PSMA8: variants seen among roughly 807,000 people sequenced by gnomAD.
PSMA8 encodes the protein proteasome subunit alpha-type 8.
Under a neutral mutation model 32.4 loss-of-function variants are expected in PSMA8, and 18 were observed. The ratio of observed to expected loss-of-function variants is 0.56; its 90% CI spans 0.38 to 0.82. The LOEUF is 0.82. Ranked by LOEUF, PSMA8 falls within the 40% of genes least tolerant of loss-of-function variation. PSMA8 has a pLI of 0.00. For synonymous variants in PSMA8, 104 were observed against 98.1 expected, an observed-to-expected ratio of 1.06 and a Z score of -0.36; for missense variants, 298 against 300.7, an observed-to-expected ratio of 0.99 and a Z score of 0.07.
In PSMA8 at chr18:26,136,317, GATTT is replaced by G. The variant is rs540462155; in HGVS notation, c.102+2254_102+2257del. ...CACAATATTCCCATGAAAACGATAA[GATTT>G]ATTATCATTCCTCATTTTGTCCTTT... is the stretch of plus-strand genomic sequence containing the variant. On this transcript the variant is annotated intron_variant, in intron 1 of 6. Transcript: ENST00000415576. 4.2e-3 allele frequency among the ~76,000 whole-genome samples: 645 copies of G among 152,208 alleles called. 3 individuals are homozygous for G. The highest frequency in any genetic ancestry group is 0.015 in the African/African-American group (611 of 41,544).
intron 3 of PSMA8, among the ~76,000 whole-genome samples, chr18:26,157,353 G>C (rs1337823464): frequency 2.0e-5 from 3 of 150,516 alleles, no homozygotes; most frequent in Non-Finnish European, 4.4e-5. Context: ...AGGAGTTCGA[G>C]ACCAGCCTGG....
rs144060725 is a variant in PSMA8 at position 26,140,631 on chromosome 18, G to A, written c.103-3928G>A. Among the ~76,000 whole-genome samples the A allele has an allele frequency of 4.0e-3, 608 of 152,142 alleles. 5 individuals are homozygous for A. Among genetic ancestry groups the A allele is most frequent in the African/African-American group, 0.014 (585 of 41,522 alleles). On this transcript the variant is annotated intron_variant, in intron 1 of 6. Transcript: ENST00000415576. ...GATGTCATATTGTTTTGAGATTTTG[G>A]CATCAGCTTTCATAAATGAGGAATT... is the stretch of plus-strand genomic sequence containing the variant.
At chr18:26,147,324 G>A (rs1055589406) in intron 2 of PSMA8, among the ~76,000 whole-genome samples, 12 of 151,246 alleles carry the variant, frequency 7.9e-5, no homozygotes, top group South Asian at 4.2e-4. Flanking sequence ...CCACAAACAC[G>A]TGGAGTTAAG....
chr18:26,189,452 G>C (rs916475957), intron 6 of PSMA8, among the ~76,000 whole-genome samples: 2 of 152,084 alleles, frequency 1.3e-5, no homozygotes, highest in African/African-American at 4.8e-5. Context: ...AGGATCACTT[G>C]AACCTGGGAG....
chr18:26,188,937 T>C (rs902076315), intron 6 of PSMA8, among the ~76,000 whole-genome samples: 1 of 152,108 alleles, frequency 6.6e-6, no homozygotes, highest in African/African-American at 2.4e-5. Context: ...CGCAAAATAT[T>C]CTTGAGTAGT....
At chr18:26,170,654 T>C in intron 4 of PSMA8, 1 of 1,111,120 alleles carries the variant, frequency 9.0e-7, no homozygotes, top group Non-Finnish European at 1.2e-6. Flanking sequence ...AAAAAACCTT[T>C]TCTAATGTAA....
In PSMA8 at chr18:26,151,897, G is replaced by A. The variant is rs146900756; in HGVS notation, c.269G>A (p.Arg90His). 254 of 1,611,842 alleles carry A rather than the reference G, an allele frequency of 1.6e-4. No homozygotes were observed. The highest frequency in any genetic ancestry group is 1.5e-3 in the Middle Eastern group (9 of 6,056). ...ADARVVINRA[R>H]VECQSHKLTV... is the part of the protein sequence containing the mutation. ...GCTAGAGTAGTAATAAACAGAGCCC[G>A]TGTGGAGTGCCAGAGCCATAAGCTT... Residue 90 changes from arginine to histidine, a missense_variant, in exon 3 of 7, where the codon CGT becomes CAT. Arg to His is a conservative substitution (Grantham distance 29). Transcript: ENST00000415576.
intron 6 of PSMA8, among the ~76,000 whole-genome samples, chr18:26,190,569 C>T (rs1276467393): frequency 2.6e-5 from 4 of 151,996 alleles, no homozygotes; most frequent in African/African-American, 7.3e-5. Context: ...GGCAACATGG[C>T]GAAACCCCGT....
At chr18:26,167,054 G>C (rs938463177) in intron 4 of PSMA8, among the ~76,000 whole-genome samples, 1 of 152,160 alleles carries the variant, frequency 6.6e-6, no homozygotes, top group African/African-American at 2.4e-5. Flanking sequence ...CAAACATTGT[G>C]TAGGTTTTAC....
Position 26,133,914 on chromosome 18 carries a change from C to T in PSMA8, c.-52C>T. 6.7e-7 allele frequency: 1 copy of T among 1,489,666 alleles called. No homozygotes were observed. Among genetic ancestry groups the T allele is most frequent in the Middle Eastern group, 1.7e-4 (1 of 5,716 alleles). 92.3% of individuals were successfully genotyped at this position (1,489,666 alleles called of 1,614,324 possible). A position where few individuals can be genotyped will look rare whatever the true frequency, so the allele number is the denominator to read the frequency against. ...TGTGTTGGCGGCGGCTCCCCGCTTG[C>T]CTCAGCTGCAGCAGCGGGAAGCTCG... On this transcript the variant is annotated 5_prime_UTR_variant, in exon 1 of 7. Transcript: ENST00000415576.
At chr18:26,163,213 G>GTATATATATATATATATATATATATATA (rs58945617) in intron 4 of PSMA8, among the ~76,000 whole-genome samples, 1 of 80,912 alleles carries the variant, frequency 1.2e-5, no homozygotes, top group Non-Finnish European at 2.3e-5. Flanking sequence ...ATGTGTGTGT[G>GTATATATATATATATATATATATATATA]TATATATATA....
At chr18:26,141,216 T>C (rs2054953331) in intron 1 of PSMA8, among the ~76,000 whole-genome samples, 1 of 152,152 alleles carries the variant, frequency 6.6e-6, no homozygotes, top group African/African-American at 2.4e-5. Flanking sequence ...TTTTTGTACC[T>C]ACTGATTTCT....
intron 6 of PSMA8, among the ~76,000 whole-genome samples, chr18:26,188,603 C>T (rs1359838747): frequency 1.2e-4 from 19 of 152,062 alleles, no homozygotes. Context: ...TGCTACAGAG[C>T]TATGGTAACC....
chr18:26,180,032 C>T (rs1373182719), intron 6 of PSMA8, among the ~76,000 whole-genome samples: 1 of 151,930 alleles, frequency 6.6e-6, no homozygotes, highest in African/African-American at 2.4e-5. Flanking sequence ...GGATGGATCA[C>T]TTGAGGTCAG....
At chr18:26,134,099 C>T (rs2054888887) in intron 1 of PSMA8, 32 bp downstream of exon 1, 4 of 1,523,548 alleles carry the variant, frequency 2.6e-6, no homozygotes, top group Admixed American at 3.3e-5. Flanking sequence ...GACTATTCCC[C>T]GCTCTGACCT....
intron 4 of PSMA8, among the ~76,000 whole-genome samples, chr18:26,159,522 C>G (rs1211614696): frequency 1.3e-5 from 2 of 151,986 alleles, no homozygotes; most frequent in African/African-American, 4.8e-5. Context: ...TTACTACACT[C>G]AATCTTTAAA....
chr18:26,149,355 A>G (rs2055027687), intron 2 of PSMA8, among the ~76,000 whole-genome samples: 2 of 152,262 alleles, frequency 1.3e-5, no homozygotes, highest in Non-Finnish European at 2.9e-5. Flanking sequence ...TGGAAGACTC[A>G]GGATTATTAA....
At chr18:26,148,475 T>C (rs902255789) in intron 2 of PSMA8, among the ~76,000 whole-genome samples, 9 of 152,170 alleles carry the variant, frequency 5.9e-5, no homozygotes, top group African/African-American at 1.9e-4. Context: ...TCTTTCTTGG[T>C]AATGGCACCC....
intron 6 of PSMA8, among the ~76,000 whole-genome samples, chr18:26,185,251 A>G (rs2055343824): frequency 6.6e-6 from 1 of 150,630 alleles, no homozygotes; most frequent in South Asian, 2.1e-4. Context: ...AAGTTAAAAC[A>G]AAAAAACTCC....
Sources: gnomAD v4.1 joint callset for allele counts (sites outside exome capture counted in the v4.1 genomes callset) on GRCh38, gnomAD v4.1.1 for gene constraint, MANE v1.5 for transcripts, NCBI Gene and HGNC (gene_info 2026-07-23, HGNC 2026-07-21) for gene names.